Variants in SORBS2 observed in about 807,000 individuals in gnomAD.
The protein encoded by SORBS2 is sorbin and SH3 domain containing 2.
In SORBS2, 46 loss-of-function variants were observed where a neutral mutation model predicts 97.7. The observed-to-expected ratio is 0.47, with a 90% CI of 0.37 to 0.60. The LOEUF is 0.60. Among genes scored for constraint, SORBS2 ranks in the 20% least tolerant of loss-of-function variants. SORBS2 has a pLI of 0.00. For synonymous variants in SORBS2, 476 were observed against 473.4 expected (o/e 1.01, Z -0.07); for missense variants, 1,316 against 1,282.3 (o/e 1.03, Z -0.40).
intron 1 of SORBS2, among the ~76,000 whole-genome samples, chr4:185,830,189 T>C (rs1041626790): frequency 6.6e-5 from 10 of 152,150 alleles, no homozygotes; most frequent in African/African-American, 2.4e-4. Flanking sequence ...ATTATTAACC[T>C]AGATGTAGCA....
chr4:185,702,306 C>T lies in SORBS2; in HGVS notation c.-197-23484G>A, dbSNP rs541686514. On this transcript the variant is annotated intron_variant, in intron 2 of 20. Transcript: ENST00000284776. ...TGGAGGGGAGAAGGTTAAAGGGAGCCGGCGTGCAGAGATCCCATGGCGAGA... is the reference window on the plus strand; with the variant it reads ...TGGAGGGGAGAAGGTTAAAGGGAGCTGGCGTGCAGAGATCCCATGGCGAGA... 3.3e-5 allele frequency among the ~76,000 whole-genome samples: 5 copies of T among 152,106 alleles called. No homozygotes were observed. The South Asian group carries it at 8.3e-4, about 25-fold the overall frequency.
intron 1 of SORBS2, among the ~76,000 whole-genome samples, chr4:185,798,244 A>T (rs546244372): frequency 1.3e-5 from 2 of 152,200 alleles, no homozygotes; most frequent in Non-Finnish European, 2.9e-5. Context: ...ATAATGTATC[A>T]TCTTAATCCT....
upstream of SORBS2, chr4:185,657,276 A>C: frequency 1.6e-6 from 1 of 626,144 alleles, no homozygotes. Context: ...TCTCTGCCAC[A>C]CACAGCATAA....
chr4:185,810,631 C>T (rs974078839), intron 1 of SORBS2: 6 of 152,122 alleles, frequency 3.9e-5, no homozygotes, highest in African/African-American at 1.4e-4. Context: ...TGTTGCTGAA[C>T]CAGAATCTAA....
intron 1 of SORBS2, among the ~76,000 whole-genome samples, chr4:185,845,706 A>C (rs545206636): frequency 5.3e-5 from 8 of 152,354 alleles, no homozygotes; most frequent in African/African-American, 1.9e-4. Context: ...CAACAATAAT[A>C]AAACAAACAA....
At position 185,671,264 on chromosome 4, in the gene SORBS2, G is replaced by A. The variant is rs149384518; in HGVS notation, c.-46+7159C>T. 1.7e-3 allele frequency among the ~76,000 whole-genome samples: 252 copies of A among 152,314 alleles called. 5 individuals are homozygous for A. The East Asian group carries it at 0.017, about 10-fold the overall frequency. On this transcript the variant is annotated intron_variant, in intron 4 of 20. Coordinates refer to the SORBS2 transcript ENST00000284776. ...AGCATGTGGCATCTGAATCAGGGGA[G>A]TAAATATTTCTACTGTACTCTGTGG... is the stretch of plus-strand genomic sequence containing the variant.
At chr4:185,726,974 C>G (rs990530675) in intron 2 of SORBS2, among the ~76,000 whole-genome samples, 1 of 152,094 alleles carries the variant, frequency 6.6e-6, no homozygotes, top group African/African-American at 2.4e-5. Context: ...TTTATATTTA[C>G]TTGAGGCTAT....
exon 10 of SORBS2, chr4:185,615,153 C>T (rs1561424912): frequency 6.3e-7 from 1 of 1,593,602 alleles, no homozygotes; most frequent in Non-Finnish European, 8.6e-7. Flanking sequence ...TCTTAAATGA[C>T]AACTCCCTGG....
intron 1 of SORBS2, among the ~76,000 whole-genome samples, chr4:185,926,723 A>G (rs756506036): frequency 1.3e-5 from 2 of 152,186 alleles, no homozygotes; most frequent in Non-Finnish European, 2.9e-5. Flanking sequence ...CTGTTTACTT[A>G]GGAAACATGC....
chr4:185,763,450 A>G (rs1296605548), intron 2 of SORBS2, among the ~76,000 whole-genome samples: 1 of 151,986 alleles, frequency 6.6e-6, no homozygotes, highest in Non-Finnish European at 1.5e-5. Flanking sequence ...ACCTCATCAC[A>G]TTTCTGCAAT....
At chr4:185,641,864 A>G (rs116474342) in intron 4 of SORBS2, among the ~76,000 whole-genome samples, 2,841 of 152,236 alleles carry the variant, frequency 0.019, 84 homozygotes, top group African/African-American at 0.064. Context: ...ATAAATCACA[A>G]GTGATCCTTA....
intron 2 of SORBS2, among the ~76,000 whole-genome samples, chr4:185,752,693 T>G (rs2098808599): frequency 6.6e-6 from 1 of 152,240 alleles, no homozygotes; most frequent in Non-Finnish European, 1.5e-5. Context: ...CACAGTCCTT[T>G]ACAGAAATAA....
intron 1 of SORBS2, among the ~76,000 whole-genome samples, chr4:185,940,051 G>A (rs2099271085): frequency 6.6e-6 from 1 of 152,146 alleles, no homozygotes; most frequent in Admixed American, 6.5e-5. Flanking sequence ...CAGCCTCTGG[G>A]CTGACCTCCT....
At chr4:185,614,159 G>GTTTTTTTTTTTTTTTTTTTTT (rs34929054) in intron 11 of SORBS2, among the ~76,000 whole-genome samples, 42 of 91,606 alleles carry the variant, frequency 4.6e-4, no homozygotes, top group South Asian at 8.9e-4. Context: ...GTTTTTTTGT[G>GTTTTTTTTTTTTTTTTTTTTT]TTTTTTTTTT....
rs1238596604 is a variant in SORBS2 at position 185,684,887 on chromosome 4, G to T, written c.-197-6065C>A. 1 of 1,431,162 alleles carries T rather than the reference G, an allele frequency of 7.0e-7. No homozygotes were observed. Among genetic ancestry groups the T allele is most frequent in the East Asian group, 2.5e-5 (1 of 40,340 alleles). 88.7% of individuals were successfully genotyped at this position (1,431,162 alleles called of 1,614,324 possible). A position where few individuals can be genotyped will look rare whatever the true frequency, so the allele number is the denominator to read the frequency against. On this transcript the variant is annotated intron_variant, in intron 2 of 20. Transcript: ENST00000284776. The surrounding 1 kb of genome is among the most constrained non-coding windows in gnomAD (Gnocchi z 4.2). ...TGATATAGCAGAGGCCAAGGCAACG[G>T]GAAAAGCACGTGCAATATCATGCGT... is the stretch of plus-strand genomic sequence containing the variant.
At chr4:185,782,822 G>T (rs1414778629) in intron 1 of SORBS2, among the ~76,000 whole-genome samples, 2 of 152,222 alleles carry the variant, frequency 1.3e-5, no homozygotes, top group African/African-American at 2.4e-5. Flanking sequence ...AGGGGTCAAA[G>T]CCTGGGATAG....
rs532514195 is a variant in SORBS2, at chr4:185,600,206, T to G, written c.2797-6271A>C. Among the ~76,000 whole-genome samples, 8 of 152,354 alleles carry G rather than the reference T, an allele frequency of 5.3e-5. No homozygotes were observed. The East Asian group carries it at 1.5e-3, about 29-fold the overall frequency. On this transcript the variant is annotated intron_variant, in intron 12 of 14. Coordinates refer to ENST00000418609, the Ensembl canonical transcript of SORBS2. ...GAGGGTCCACAGCTTCTCCAGCTGC[T>G]TATACAGTTTCCACACCACAGGCAC...
intron 2 of SORBS2, among the ~76,000 whole-genome samples, chr4:185,720,978 G>T (rs2153559942): frequency 6.6e-6 from 1 of 151,532 alleles, no homozygotes; most frequent in South Asian, 2.1e-4. Context: ...TGATACTAAA[G>T]TTCCTCATCC....
At chr4:185,832,620 T>C (rs1175096442) in intron 1 of SORBS2, among the ~76,000 whole-genome samples, 1 of 152,242 alleles carries the variant, frequency 6.6e-6, no homozygotes, top group African/African-American at 2.4e-5. Flanking sequence ...TAATTTCAGT[T>C]TCTTATATCT....
Sources: allele counts gnomAD v4.1 joint callset (sites outside exome capture counted in the v4.1 genomes callset), GRCh38; gene constraint gnomAD v4.1.1; non-coding constraint Gnocchi (gnomAD v3.1); transcripts MANE v1.5; gene names NCBI Gene and HGNC (gene_info 2026-07-23, HGNC 2026-07-21).